Variants in PGAM5 observed in about 807,000 individuals in gnomAD.
PGAM5 encodes serine/threonine-protein phosphatase PGAM5, mitochondrial.
A neutral mutation model predicts 30.6 loss-of-function variants in PGAM5; 25 were observed. The observed-to-expected ratio is 0.82, with a 90% confidence interval of 0.60 to 1.14. The LOEUF (loss-of-function observed/expected upper bound fraction) is 1.14, where lower values mean the gene tolerates loss of function less well. Among genes scored for constraint, PGAM5 ranks in the 50% most tolerant of loss-of-function variants. PGAM5 has a pLI of 0.00. For missense variants in PGAM5, 384 were observed against 408.5 expected, an observed-to-expected ratio of 0.94 and a Z score of 0.52; for synonymous variants, 201 against 179.1, an observed-to-expected ratio of 1.12 and a Z score of -0.98.
chr12:132,717,216 G>A (rs886417036), intron 2 of PGAM5, among the ~76,000 whole-genome samples: 1 of 152,188 alleles, frequency 6.6e-6, no homozygotes, highest in South Asian at 2.1e-4. Flanking sequence ...GTTGAGTGCC[G>A]GCCCCTCTGG....
chr12:132,715,907 A>G (rs2043572423), intron 2 of PGAM5, among the ~76,000 whole-genome samples: 2 of 152,146 alleles, frequency 1.3e-5, no homozygotes, highest in Non-Finnish European at 1.5e-5. Context: ...ACTTTTAGCA[A>G]ATGTTGGACA....
intron 1 of PGAM5, among the ~76,000 whole-genome samples, chr12:132,714,155 T>C (rs867244862): frequency 6.6e-6 from 1 of 152,030 alleles, no homozygotes; most frequent in African/African-American, 2.4e-5. Context: ...GTAGCTGGGA[T>C]CACAGGCGTG....
In PGAM5 at chr12:132,718,761, G is replaced by T. The variant is rs781129392; in HGVS notation, c.719+641G>T. 66 of 1,613,330 alleles carry T rather than the reference G, an allele frequency of 4.1e-5. 1 individual carries two copies. In the South Asian group the frequency reaches 7.0e-4, roughly 17 times the overall value. ...TGCCTCCGGCTGGATCCCACTGGCA[G>T]CATCCCGCCGCTGTTGTCCGCTGGG... On this transcript the variant is annotated intron_variant, in intron 5 of 5. Coordinates refer to ENST00000498926, the MANE Select transcript of PGAM5 (RefSeq NM_001170543.2).
chr12:132,716,010 C>T (rs1307264635), intron 2 of PGAM5, among the ~76,000 whole-genome samples: 4 of 152,160 alleles, frequency 2.6e-5, no homozygotes, highest in Non-Finnish European at 4.4e-5. Flanking sequence ...CTTGTGCCCT[C>T]GGCTGCTCAC....
rs1225402166 is a variant in PGAM5 at position 132,721,612 on chromosome 12, G to T, written c.*784G>T. The T allele has an allele frequency of 6.6e-6, 1 of 152,364 alleles. No individual in the cohort carries two copies. Among genetic ancestry groups the T allele is most frequent in the East Asian group, 1.9e-4 (1 of 5,162 alleles). 9.4% of individuals were successfully genotyped at this position (152,364 alleles called of 1,614,324 possible). The stretch of plus-strand genomic sequence containing the variant: ...TAAAGCAATTTTTTCTTTTGAAACG[G>T]AGTTTCACTCTTGTTGCCCAGGCTG... On this transcript the variant is annotated 3_prime_UTR_variant, in exon 6 of 6. Transcript: ENST00000498926.
rs187217302 is a variant in PGAM5, at chr12:132,711,204, G to A, written c.191+137G>A. ...GTCGCCGTCTGCTTTCCCCAGCGGA[G>A]GAGCCGCTTTCCGGGGCCGCTCTGC... On this transcript the variant is annotated intron_variant, in intron 1 of 5. Transcript: ENST00000498926. 1,020 of 686,898 alleles carry A rather than the reference G, an allele frequency of 1.5e-3. 1 individual carries two copies. The highest frequency in any genetic ancestry group is 1.9e-3 in the South Asian group (26 of 13,808). The allele number at this position is 686,898 out of a possible 1,614,324, so 42.6% of individuals were successfully genotyped here.
intron 2 of PGAM5, among the ~76,000 whole-genome samples, chr12:132,716,975 C>T (rs1334323890): frequency 9.2e-5 from 14 of 152,314 alleles, no homozygotes; most frequent in African/African-American, 1.7e-4. Context: ...CACTGGTGTC[C>T]GGCCCCCACA....
intron 1 of PGAM5, 103 bp downstream of exon 1, chr12:132,711,170 G>T (rs2043518190): frequency 5.5e-6 from 5 of 905,180 alleles, no homozygotes; most frequent in Non-Finnish European, 7.0e-6. Flanking sequence ...GATCGGGTCG[G>T]GATCTGGGGT....
At chr12:132,720,365 T>G (rs1286035132) in intron 5 of PGAM5, among the ~76,000 whole-genome samples, 2 of 150,374 alleles carry the variant, frequency 1.3e-5, no homozygotes, top group Non-Finnish European at 3.0e-5. Flanking sequence ...TGGAGTGCAG[T>G]GGCGCGATCT....
rs2043651063 is a variant in PGAM5 at position 132,722,124 on chromosome 12, G to A, written c.*1296G>A. ...GACCTTCATGCTGGTCTCGGCTGAG[G>A]TGACACGCTAGTGACAGCCCAATAG... On this transcript the variant is annotated 3_prime_UTR_variant, in exon 6 of 6. Coordinates refer to ENST00000498926, the MANE Select transcript of PGAM5 (RefSeq NM_001170543.2). 6.6e-6 allele frequency: 1 copy of A among 152,192 alleles called. No individual in the cohort carries two copies. 9.4% of individuals were successfully genotyped at this position (152,192 alleles called of 1,614,324 possible). A position where few individuals can be genotyped will look rare whatever the true frequency, so the allele number is the denominator to read the frequency against.
intron 5 of PGAM5, among the ~76,000 whole-genome samples, chr12:132,719,996 C>T (rs954923481): frequency 6.6e-6 from 1 of 152,188 alleles, no homozygotes; most frequent in Admixed American, 6.5e-5. Flanking sequence ...AACTGTGTTT[C>T]CTCGTAAGAA....
chr12:132,713,695 G>C (rs557743539), intron 1 of PGAM5, among the ~76,000 whole-genome samples: 2 of 152,312 alleles, frequency 1.3e-5, no homozygotes, highest in East Asian at 3.9e-4. Context: ...TGTTGAGACA[G>C]GGTCTCGCTC....
chr12:132,722,548 A>G lies in PGAM5; in HGVS notation c.*1720A>G, dbSNP rs2043656952. On this transcript the variant is annotated 3_prime_UTR_variant, in exon 6 of 6. Coordinates refer to ENST00000498926, the MANE Select transcript of PGAM5 (RefSeq NM_001170543.2). Reference sequence around the variant, plus strand: ...CAGGCGTGAGCTAGCATGCCTGGCCAGGGATTAAAATATTCAAACATGTTG... The same window carrying G: ...CAGGCGTGAGCTAGCATGCCTGGCCGGGGATTAAAATATTCAAACATGTTG... The G allele has an allele frequency of 1.4e-5, 2 of 146,916 alleles. No individual in the cohort carries two copies. The highest frequency in any genetic ancestry group is 5.2e-5 in the African/African-American group (2 of 38,432). The allele number at this position is 146,916 out of a possible 1,614,324, so 9.1% of individuals were successfully genotyped here. A position where few individuals can be genotyped will look rare whatever the true frequency, so the allele number is the denominator to read the frequency against.
At chr12:132,719,685 C>T (rs79477517) in intron 5 of PGAM5, among the ~76,000 whole-genome samples, 2,335 of 152,332 alleles carry the variant, frequency 0.015, 48 homozygotes, top group African/African-American at 0.052. Flanking sequence ...TGGTGAGGGC[C>T]AGGCACGTGC....
intron 2 of PGAM5, among the ~76,000 whole-genome samples, 194 bp from the exon 3 acceptor site, chr12:132,717,245 A>C (rs552284014): frequency 6.8e-6 from 1 of 146,758 alleles, no homozygotes; most frequent in Non-Finnish European, 1.5e-5. Flanking sequence ...TCGGGCGGGC[A>C]GGAGCCATCG....
At chr12:132,715,901 T>C (rs947603113) in intron 2 of PGAM5, among the ~76,000 whole-genome samples, 1 of 152,202 alleles carries the variant, frequency 6.6e-6, no homozygotes, top group African/African-American at 2.4e-5. Flanking sequence ...CCCTTAACTT[T>C]TAGCAAATGT....
intron 5 of PGAM5, chr12:132,718,786 G>C: frequency 6.2e-7 from 1 of 1,613,636 alleles, no homozygotes. Context: ...TGTCCGCTGG[G>C]GATTTTGTGC....
At chr12:132,717,412 G>C (rs375366348) in intron 2 of PGAM5, 27 bp from the exon 3 acceptor site, 4 of 1,600,874 alleles carry the variant, frequency 2.5e-6, no homozygotes, top group South Asian at 2.2e-5. Context: ...GTGCAGGTGC[G>C]GCACTCAGGT....
chr12:132,719,321 A>C (rs1350234024), intron 5 of PGAM5, among the ~76,000 whole-genome samples: 1 of 152,020 alleles, frequency 6.6e-6, no homozygotes, highest in Non-Finnish European at 1.5e-5. Flanking sequence ...CCCGTCTGTC[A>C]CCTGGGCCTG....
Sources: gnomAD v4.1 joint callset for allele counts (sites outside exome capture counted in the v4.1 genomes callset) on GRCh38, gnomAD v4.1.1 for gene constraint, MANE v1.5 for transcripts, NCBI Gene and HGNC (gene_info 2026-07-23, HGNC 2026-07-21) for gene names.